Variants in ITGB3BP observed in about 807,000 individuals in gnomAD.
ITGB3BP encodes integrin subunit beta 3 binding protein.
A neutral mutation model predicts 29.1 loss-of-function variants in ITGB3BP; 27 were observed. The observed-to-expected ratio is 0.93, with a 90% CI of 0.68 to 1.28. The LOEUF (loss-of-function observed/expected upper bound fraction) is 1.28, where lower values mean the gene tolerates loss of function less well. Among genes scored for constraint, ITGB3BP ranks in the 50% most tolerant of loss-of-function variants. The pLI, the probability that ITGB3BP is intolerant of heterozygous loss-of-function variation, is 0.00. For missense variants in ITGB3BP, 192 were observed against 200.2 expected (o/e 0.96, Z 0.25); for synonymous variants, 61 against 61.4 (o/e 0.99, Z 0.03).
At chr1:63,465,371 A>G (rs1385218841) in intron 4 of ITGB3BP, among the ~76,000 whole-genome samples, 1 of 152,084 alleles carries the variant, frequency 6.6e-6, no homozygotes, top group Non-Finnish European at 1.5e-5. Flanking sequence ...AAATGTCTCT[A>G]AACTGTTAAA....
At chr1:63,478,734 C>T in intron 4 of ITGB3BP, 30 bp downstream of exon 4, 1 of 1,020,228 alleles carries the variant, frequency 9.8e-7, no homozygotes, top group Non-Finnish European at 1.5e-6. Flanking sequence ...GCAAGATACA[C>T]ATATATAATT....
intron 1 of ITGB3BP, among the ~76,000 whole-genome samples, chr1:63,520,101 A>C (rs949929960): frequency 6.6e-6 from 1 of 152,168 alleles, no homozygotes; most frequent in Non-Finnish European, 1.5e-5. Flanking sequence ...TATAAAGAAA[A>C]GGTAGAAGAA....
chr1:63,528,307 ATGTT>A (rs1295745227), intron 2 of ITGB3BP, among the ~76,000 whole-genome samples: 1 of 152,212 alleles, frequency 6.6e-6, no homozygotes, highest in Non-Finnish European at 1.5e-5. Context: ...GGAGGTCATC[ATGTT>A]AAGTGAAATA....
intron 4 of ITGB3BP, among the ~76,000 whole-genome samples, chr1:63,469,451 C>T (rs983361263): frequency 3.3e-5 from 5 of 152,002 alleles, no homozygotes; most frequent in Admixed American, 6.5e-5. Flanking sequence ...CTCAGCCTCC[C>T]GAGTAGCTGG....
At chr1:63,507,430 G>A (rs973470924) in intron 2 of ITGB3BP, among the ~76,000 whole-genome samples, 3 of 152,102 alleles carry the variant, frequency 2.0e-5, no homozygotes, top group Non-Finnish European at 4.4e-5. Flanking sequence ...GTTCTGAAAC[G>A]GTCATTCTTT....
At chr1:63,521,158 G>A in intron 1 of ITGB3BP, among the ~76,000 whole-genome samples, 1 of 151,620 alleles carries the variant, frequency 6.6e-6, no homozygotes, top group African/African-American at 2.4e-5. Context: ...ATACCAAATA[G>A]TCACCATTTC....
At chr1:63,495,117 T>C (rs1319434920) in intron 2 of ITGB3BP, among the ~76,000 whole-genome samples, 1 of 152,178 alleles carries the variant, frequency 6.6e-6, no homozygotes, top group Non-Finnish European at 1.5e-5. Context: ...CTAGAGACTT[T>C]ATGGTTTGGC....
intron 1 of ITGB3BP, among the ~76,000 whole-genome samples, chr1:63,522,651 A>C (rs1297995102): frequency 6.6e-6 from 1 of 152,180 alleles, no homozygotes; most frequent in Non-Finnish European, 1.5e-5. Context: ...AAGTAAAAAA[A>C]AACGAAGCTC....
intron 8 of ITGB3BP, among the ~76,000 whole-genome samples, chr1:63,443,724 T>C (rs866016360): frequency 4.0e-5 from 6 of 151,808 alleles, no homozygotes; most frequent in South Asian, 2.1e-4. Context: ...GTACAGTGGG[T>C]GTGGAAAGGA....
chr1:63,491,927 T>TCG (rs1553164072), intron 2 of ITGB3BP, among the ~76,000 whole-genome samples: 2 of 151,734 alleles, frequency 1.3e-5, no homozygotes, highest in Non-Finnish European at 2.9e-5. Flanking sequence ...TTGTATGTAT[T>TCG]CAGTCATAAA....
Position 63,515,825 on chromosome 1 carries a change from T to TAAA in ITGB3BP, c.6-7258_6-7256dup, listed in dbSNP as rs76881362. ...TGGACAACAGAGCAAGACTCCAACT[T>TAAA]AAAAAAAAAAAAAAAAAAAAAAAAA... On this transcript the variant is annotated intron_variant, in intron 1 of 8. Coordinates refer to ENST00000271002, the MANE Select transcript of ITGB3BP (RefSeq NM_014288.5). 4.3e-3 allele frequency among the ~76,000 whole-genome samples: 208 copies of TAAA among 48,638 alleles called. 11 individuals are homozygous for TAAA. The highest frequency in any genetic ancestry group is 0.017 in the African/African-American group (196 of 11,798). 31.9% of individuals were successfully genotyped at this position (48,638 alleles called of 152,430 possible). A position where few individuals can be genotyped will look rare whatever the true frequency, so the allele number is the denominator to read the frequency against.
At chr1:63,476,961 T>C (rs1213927681) in intron 4 of ITGB3BP, among the ~76,000 whole-genome samples, 2 of 152,248 alleles carry the variant, frequency 1.3e-5, no homozygotes, top group African/African-American at 4.8e-5. Flanking sequence ...TGTTAATATC[T>C]AGTTGAGATC....
chr1:63,492,820 CG>C (rs1331545069), intron 2 of ITGB3BP, among the ~76,000 whole-genome samples: 2 of 152,050 alleles, frequency 1.3e-5, no homozygotes, highest in Non-Finnish European at 2.9e-5. Context: ...AGAAAGAGAG[CG>C]ATGTCAGCTG....
chr1:63,519,185 G>C (rs1646397462), intron 1 of ITGB3BP, among the ~76,000 whole-genome samples: 2 of 152,060 alleles, frequency 1.3e-5, no homozygotes, highest in Admixed American at 6.5e-5. Context: ...GAAAATGTTA[G>C]TTGAAAATGC....
intron 4 of ITGB3BP, among the ~76,000 whole-genome samples, chr1:63,472,909 G>A (rs1645233564): frequency 6.6e-6 from 1 of 152,092 alleles, no homozygotes. Flanking sequence ...CGTCTGGGAA[G>A]TGAGGAGCGT....
intron 4 of ITGB3BP, among the ~76,000 whole-genome samples, chr1:63,470,371 A>G (rs1303080343): frequency 6.6e-6 from 1 of 152,196 alleles, no homozygotes; most frequent in Non-Finnish European, 1.5e-5. Flanking sequence ...ACAAGGGTAC[A>G]CATAAGTGTA....
chr1:63,443,332 TGAGTTCTAAGCAGGTTTTGAAA>T (rs1046436485), intron 8 of ITGB3BP: 1 of 152,220 alleles, frequency 6.6e-6, no homozygotes, highest in African/African-American at 2.4e-5. Context: ...ATGCAGAAGA[TGAGTTCTAAGCAGGTTTTGAAA>T]GACGGGTAAA....
chr1:63,517,041 GAAAGTAC>G (rs1646347713), intron 1 of ITGB3BP, among the ~76,000 whole-genome samples: 1 of 151,592 alleles, frequency 6.6e-6, no homozygotes, highest in East Asian at 1.9e-4. Context: ...CTCAAAAAAA[GAAAGTAC>G]AAAGAAGGAA....
chr1:63,515,685 G>A (rs947594129), intron 1 of ITGB3BP, among the ~76,000 whole-genome samples: 5 of 151,490 alleles, frequency 3.3e-5, no homozygotes, highest in African/African-American at 1.2e-4. Flanking sequence ...AATTAGCCAG[G>A]CATGGTGGTG....
Sources: gnomAD v4.1 joint callset for allele counts (sites outside exome capture counted in the v4.1 genomes callset) on GRCh38, gnomAD v4.1.1 for gene constraint, MANE v1.5 for transcripts, NCBI Gene and HGNC (gene_info 2026-07-23, HGNC 2026-07-21) for gene names.